Variants in DENND5A observed in about 807,000 individuals in gnomAD.
DENND5A encodes DENN domain containing 5A.
In DENND5A, 64 loss-of-function variants were observed where a neutral mutation model predicts 140.3. The observed-to-expected ratio is 0.46, with a 90% CI of 0.37 to 0.56. The LOEUF (loss-of-function observed/expected upper bound fraction) is 0.56. DENND5A is among the 20% of genes least tolerant of loss of function. DENND5A has a pLI of 0.00. For missense variants in DENND5A, 1,292 were observed against 1,593.8 expected (o/e 0.81, Z 3.22); for synonymous variants, 605 against 607.7 (o/e 1.00, Z 0.07).
intron 5 of DENND5A, among the ~76,000 whole-genome samples, chr11:9,191,015 G>A (rs1300424981): frequency 1.3e-5 from 2 of 152,052 alleles, no homozygotes; most frequent in Non-Finnish European, 2.9e-5. Context: ...AGACAGGTGT[G>A]GATGAACTAG....
At chr11:9,212,861 G>A (rs1381883354) in intron 1 of DENND5A, among the ~76,000 whole-genome samples, 1 of 152,114 alleles carries the variant, frequency 6.6e-6, no homozygotes, top group East Asian at 1.9e-4. Context: ...AACAAAGAAT[G>A]GTGGGGAAGG....
intron 1 of DENND5A, among the ~76,000 whole-genome samples, chr11:9,221,370 G>A (rs141406707): frequency 0.01 from 1,558 of 152,244 alleles, 10 homozygotes; most frequent in Non-Finnish European, 0.016. Context: ...GGCAGAGGTT[G>A]TAGTGAGCCG....
chr11:9,153,344 C>CAAAAAAAA (rs59736475), intron 12 of DENND5A, among the ~76,000 whole-genome samples: 3 of 27,028 alleles, frequency 1.1e-4, no homozygotes, highest in Non-Finnish European at 1.4e-4. Context: ...GGCTCCCTCT[C>CAAAAAAAA]AAAAAAAAAA....
intron 1 of DENND5A, among the ~76,000 whole-genome samples, chr11:9,259,224 C>T (rs1183333678): frequency 6.6e-6 from 1 of 151,824 alleles, no homozygotes; most frequent in African/African-American, 2.4e-5. Flanking sequence ...CGTGCCATTG[C>T]ACTCCAGCCT....
At chr11:9,216,933 G>C (rs1032458772) in intron 1 of DENND5A, among the ~76,000 whole-genome samples, 1 of 152,034 alleles carries the variant, frequency 6.6e-6, no homozygotes, top group Admixed American at 6.6e-5. Flanking sequence ...CTATTCAGGA[G>C]GCTGTGGTGG....
chr11:9,219,584 A>T (rs1850229892), intron 1 of DENND5A, among the ~76,000 whole-genome samples: 1 of 152,256 alleles, frequency 6.6e-6, no homozygotes, highest in South Asian at 2.1e-4. Flanking sequence ...AACGACTTAC[A>T]TATGGGATGG....
At chr11:9,140,111 T>C (rs1411795968) in intron 22 of DENND5A, 1 of 1,410,066 alleles carries the variant, frequency 7.1e-7, no homozygotes, top group African/African-American at 1.4e-5. Flanking sequence ...CCCTGCCTAG[T>C]CAGCCCCACC....
chr11:9,179,709 G>T (rs1259305162), intron 6 of DENND5A, among the ~76,000 whole-genome samples: 3 of 152,092 alleles, frequency 2.0e-5, no homozygotes, highest in African/African-American at 7.2e-5. Context: ...ATGTTGGTCA[G>T]ACTGGTCTCG....
At chr11:9,192,244 T>C (rs917941041) in intron 5 of DENND5A, among the ~76,000 whole-genome samples, 1 of 152,212 alleles carries the variant, frequency 6.6e-6, no homozygotes, top group Non-Finnish European at 1.5e-5. Flanking sequence ...TGCCCAGTCA[T>C]GACCAGTGAC....
intron 12 of DENND5A, among the ~76,000 whole-genome samples, chr11:9,155,618 T>G (rs1234703137): frequency 6.6e-6 from 1 of 152,244 alleles, no homozygotes; most frequent in African/African-American, 2.4e-5. Context: ...AGCCTGACTA[T>G]CCATTTATGG....
intron 5 of DENND5A, among the ~76,000 whole-genome samples, chr11:9,186,432 C>T (rs1159832758): frequency 2.0e-5 from 3 of 152,174 alleles, no homozygotes; most frequent in Non-Finnish European, 4.4e-5. Flanking sequence ...CTGTGACCCA[C>T]GAAAGGCACA....
chr11:9,170,924 G>C (rs1470115927), intron 8 of DENND5A, 147 bp from the exon 9 acceptor site: 3 of 1,350,964 alleles, frequency 2.2e-6, no homozygotes, highest in Non-Finnish European at 3.0e-6. Context: ...CTGCCTAATA[G>C]GAAAAAACCC....
At chr11:9,257,191 G>A (rs1364624162) in intron 1 of DENND5A, among the ~76,000 whole-genome samples, 1 of 151,860 alleles carries the variant, frequency 6.6e-6, no homozygotes, top group African/African-American at 2.4e-5. Context: ...TGTATTTTTA[G>A]TAGAGACGGG....
intron 4 of DENND5A, 34 bp from the exon 5 acceptor site, chr11:9,193,715 A>G: frequency 1.3e-6 from 2 of 1,557,576 alleles, no homozygotes; most frequent in Non-Finnish European, 1.7e-6. Context: ...GCACACACAC[A>G]AATCAGTCAA....
At chr11:9,187,871 A>T (rs890095833) in intron 5 of DENND5A, among the ~76,000 whole-genome samples, 2 of 152,156 alleles carry the variant, frequency 1.3e-5, no homozygotes. Flanking sequence ...CTTTTTACAG[A>T]CTTCTGATGC....
intron 1 of DENND5A, among the ~76,000 whole-genome samples, chr11:9,251,421 C>T (rs768459480): frequency 2.6e-5 from 4 of 152,086 alleles, no homozygotes; most frequent in South Asian, 2.1e-4. Context: ...ATTCCATGTA[C>T]GACAACAAGC....
rs1191032329 is a variant in DENND5A, at chr11:9,263,614, G to A, written c.109+1347C>T. ...TCCCAGCACTTTGGGAGGCCGAGGC[G>A]GGTGGATCATGAGGTCAGGAGATCG... On this transcript the variant is annotated intron_variant, in intron 1 of 22. Transcript: ENST00000328194. Among the ~76,000 whole-genome samples the A allele has an allele frequency of 9.8e-4, 144 of 147,260 alleles. 2 individuals are homozygous for A. Among genetic ancestry groups the A allele is most frequent in the African/African-American group, 3.1e-3 (126 of 40,668 alleles).
chr11:9,229,705 CAG>C (rs1306727587), intron 1 of DENND5A, among the ~76,000 whole-genome samples: 1 of 152,092 alleles, frequency 6.6e-6, no homozygotes, highest in East Asian at 1.9e-4. Context: ...GAATGCTGCA[CAG>C]AGTCCAAGAA....
In DENND5A at chr11:9,171,049, T is replaced by G. The variant is rs191646800; in HGVS notation, c.1907-272A>C. 1.0e-4 allele frequency: 40 copies of G among 396,784 alleles called. No homozygotes were observed. In the East Asian group the frequency reaches 1.6e-3, roughly 16 times the overall value. The allele number at this position is 396,784 out of a possible 1,614,324, so 24.6% of individuals were successfully genotyped here. ...AACCCCTAGAACTATCCCAGCTAAC[T>G]GCTTAGAGAAAGCTTCCAGGCTGTG... On this transcript the variant is annotated intron_variant, in intron 8 of 22. Transcript: ENST00000328194.
Sources: allele counts gnomAD v4.1 joint callset (sites outside exome capture counted in the v4.1 genomes callset), GRCh38; gene constraint gnomAD v4.1.1; transcripts MANE v1.5; gene names NCBI Gene and HGNC (gene_info 2026-07-23, HGNC 2026-07-21).